The following INSC variants were observed in gnomAD, a reference collection of about 807,000 sequenced individuals.
INSC encodes protein inscuteable homolog.
A neutral mutation model predicts 58.6 loss-of-function variants in INSC; 67 were observed. The observed-to-expected ratio is 1.14, with a 90% CI of 0.94 to 1.40. The LOEUF is 1.40. Among genes scored for constraint, INSC ranks in the 40% most tolerant of loss-of-function variants. INSC has a pLI of 0.00. For missense variants in INSC, 714 were observed against 692.0 expected, an observed-to-expected ratio of 1.03 and a Z score of -0.36; for synonymous variants, 262 against 276.1, an observed-to-expected ratio of 0.95 and a Z score of 0.51.
At chr11:15,146,716 T>C (rs893690966) in intron 1 of INSC, among the ~76,000 whole-genome samples, 1 of 152,250 alleles carries the variant, frequency 6.6e-6, no homozygotes, top group Non-Finnish European at 1.5e-5. Context: ...TCACTGCTTC[T>C]TTCTGAAGGG....
At position 15,149,829 on chromosome 11, in the gene INSC, C is replaced by G. The variant is rs868625958; in HGVS notation, c.56+599C>G. Reference sequence around the variant, plus strand: ...AGGTTTGATGTGGCTGGTCCTGGAGCCTGAACCCTCTCTCTCTCCCACTTG... The same window carrying G: ...AGGTTTGATGTGGCTGGTCCTGGAGGCTGAACCCTCTCTCTCTCCCACTTG... On this transcript the variant is annotated intron_variant, in intron 2 of 12. Transcript: ENST00000379556. Among the ~76,000 whole-genome samples the G allele has an allele frequency of 2.6e-5, 4 of 152,110 alleles. 1 individual carries two copies. Among genetic ancestry groups the G allele is most frequent in the Non-Finnish European group, 2.9e-5 (2 of 68,018 alleles).
chr11:15,120,446 G>A (rs952143362), intron 1 of INSC, among the ~76,000 whole-genome samples: 3 of 152,176 alleles, frequency 2.0e-5, no homozygotes, highest in Non-Finnish European at 4.4e-5. Context: ...AGTCAGAAAG[G>A]CCTTCCCGAA....
At chr11:15,243,416 C>T (rs891402263) in intron 12 of INSC, among the ~76,000 whole-genome samples, 2 of 152,196 alleles carry the variant, frequency 1.3e-5, no homozygotes, top group African/African-American at 2.4e-5. Flanking sequence ...AAGCAGCTGT[C>T]AGTAGGTTGC....
At chr11:15,230,815 A>T (rs1851898114) in intron 9 of INSC, among the ~76,000 whole-genome samples, 1 of 152,242 alleles carries the variant, frequency 6.6e-6, no homozygotes, top group Non-Finnish European at 1.5e-5. Context: ...GTTTGCCAGC[A>T]GCACGGGACC....
At chr11:15,250,987 G>A (rs1852644178), downstream of INSC, among the ~76,000 whole-genome samples, 2 of 152,182 alleles carry the variant, frequency 1.3e-5, no homozygotes, top group Non-Finnish European at 2.9e-5. Context: ...AATAATCCAA[G>A]AAGTTCTAAA....
In INSC at chr11:15,114,923, A is replaced by C. The variant is rs1464419893; in HGVS notation, c.-126A>C. On this transcript the variant is annotated 5_prime_UTR_variant, in exon 1 of 13. Coordinates refer to ENST00000379556, the MANE Select transcript of INSC (RefSeq NM_001042536.3). ...CTCGGGCTGGGCCGGCAGAGCGGCC[A>C]CTTTGCGCGCGGCCTCTGGAGCTCC... 1.0e-6 allele frequency: 1 copy of C among 985,266 alleles called. No individual in the cohort carries two copies. Among genetic ancestry groups the C allele is most frequent in the African/African-American group, 1.7e-5 (1 of 57,214 alleles). The allele number at this position is 985,266 out of a possible 1,614,324, so 61.0% of individuals were successfully genotyped here. A position where few individuals can be genotyped will look rare whatever the true frequency, so the allele number is the denominator to read the frequency against.
At chr11:15,237,130 T>G (rs1564921950) in intron 10 of INSC, among the ~76,000 whole-genome samples, 1 of 152,226 alleles carries the variant, frequency 6.6e-6, no homozygotes, top group African/African-American at 2.4e-5. Context: ...ACCTAATATG[T>G]GCCTGGCATT....
chr11:15,202,556 C>T (rs1029660742), intron 7 of INSC, among the ~76,000 whole-genome samples: 3 of 152,160 alleles, frequency 2.0e-5, no homozygotes, highest in Non-Finnish European at 4.4e-5. Flanking sequence ...CTCAACTTCA[C>T]GTTCTGAATA....
In INSC at chr11:15,246,217, C is replaced by A; in HGVS notation, c.*177C>A. On this transcript the variant is annotated 3_prime_UTR_variant, in exon 13 of 13. Coordinates refer to ENST00000379556, the MANE Select transcript of INSC (RefSeq NM_001042536.3). ...GCAACATCATCAAACAGTCTTTGGT[C>A]CTTGAGAATCTTCTTTGTGTTTTAT... 1.8e-6 allele frequency: 1 copy of A among 546,510 alleles called. No homozygotes were observed. Among genetic ancestry groups the A allele is most frequent in the Non-Finnish European group, 3.1e-6 (1 of 326,920 alleles). The allele number at this position is 546,510 out of a possible 1,614,324, so 33.9% of individuals were successfully genotyped here.
At chr11:15,222,788 A>G (rs1166823807) in intron 8 of INSC, among the ~76,000 whole-genome samples, 1 of 152,238 alleles carries the variant, frequency 6.6e-6, no homozygotes, top group Non-Finnish European at 1.5e-5. Context: ...CTCACAGGTC[A>G]GGCTGGGAGA....
intron 8 of INSC, among the ~76,000 whole-genome samples, chr11:15,223,417 G>A (rs537048546): frequency 2.0e-5 from 3 of 152,290 alleles, no homozygotes; most frequent in South Asian, 2.1e-4. Flanking sequence ...GGAAGCCAGA[G>A]CTCTGTTCTT....
chr11:15,126,719 A>C (rs1035482548), intron 1 of INSC, among the ~76,000 whole-genome samples: 3 of 152,228 alleles, frequency 2.0e-5, no homozygotes, highest in African/African-American at 7.2e-5. Flanking sequence ...AATGGGAATA[A>C]AATTTTAAGA....
At chr11:15,198,360 A>G (rs927118331) in intron 6 of INSC, among the ~76,000 whole-genome samples, 5 of 152,172 alleles carry the variant, frequency 3.3e-5, no homozygotes, top group Non-Finnish European at 5.9e-5. Flanking sequence ...CTGGTAGCTA[A>G]AAGTGCTAAG....
rs140099517 is a variant in INSC, at chr11:15,167,654, A to T, written c.57-8087A>T. 9.7e-3 allele frequency among the ~76,000 whole-genome samples: 1,468 copies of T among 151,666 alleles called. 24 individuals are homozygous for T. Among genetic ancestry groups the T allele is most frequent in the African/African-American group, 0.024 (993 of 41,322 alleles). ...TCAGCTAATTATTATTAATAATAATAATTATTATTGTAGAGATGGGGGTAT... is the reference window on the plus strand; with the variant it reads ...TCAGCTAATTATTATTAATAATAATTATTATTATTGTAGAGATGGGGGTAT... On this transcript the variant is annotated intron_variant, in intron 2 of 12. Transcript: ENST00000379556.
At chr11:15,197,134 A>G (rs935405783) in intron 6 of INSC, among the ~76,000 whole-genome samples, 11 of 152,236 alleles carry the variant, frequency 7.2e-5, no homozygotes, top group African/African-American at 2.4e-4. Flanking sequence ...AGAGTTTCAG[A>G]AAGAATATAA....
chr11:15,136,169 G>C (rs1377648830), intron 1 of INSC, among the ~76,000 whole-genome samples: 1 of 152,074 alleles, frequency 6.6e-6, no homozygotes, highest in Non-Finnish European at 1.5e-5. Context: ...GCATATAAAA[G>C]TTATGTTTAT....
chr11:15,244,079 C>A (rs929111165), intron 12 of INSC, among the ~76,000 whole-genome samples: 1 of 152,084 alleles, frequency 6.6e-6, no homozygotes, highest in Non-Finnish European at 1.5e-5. Context: ...CGCTCTGTCT[C>A]CTTGTCTCCC....
chr11:15,129,587 A>C (rs1397773340), intron 1 of INSC, among the ~76,000 whole-genome samples: 1 of 152,186 alleles, frequency 6.6e-6, no homozygotes, highest in African/African-American at 2.4e-5. Context: ...TTTTCTCAAG[A>C]AGGGACTTGC....
At chr11:15,130,962 C>T (rs1291859063) in intron 1 of INSC, among the ~76,000 whole-genome samples, 1 of 151,808 alleles carries the variant, frequency 6.6e-6, no homozygotes, top group Non-Finnish European at 1.5e-5. Flanking sequence ...TTTCAAAAAC[C>T]AACTTTAGTC....
Sources: allele counts gnomAD v4.1 joint callset (sites outside exome capture counted in the v4.1 genomes callset), GRCh38; gene constraint gnomAD v4.1.1; transcripts MANE v1.5; gene names NCBI Gene and HGNC (gene_info 2026-07-23, HGNC 2026-07-21).